PDE4D: variants seen among roughly 807,000 people sequenced by gnomAD.
PDE4D encodes the protein phosphodiesterase 4D.
Under a neutral mutation model 87.4 loss-of-function variants are expected in PDE4D, and 24 were observed. The ratio of observed to expected loss-of-function variants is 0.27; its 90% CI spans 0.20 to 0.39. The LOEUF (loss-of-function observed/expected upper bound fraction) is 0.39, where lower values mean the gene tolerates loss of function less well. PDE4D is among the 10% of genes least tolerant of loss of function. The probability of loss-of-function intolerance (pLI) is 1.00; values close to 1 mark genes in which losing one functional copy is unlikely to be tolerated. For missense variants in PDE4D, 714 were observed against 1,041.0 expected (o/e 0.69, Z 4.32); for synonymous variants, 384 against 383.2 (o/e 1.00, Z -0.02).
chr5:59,593,470 T>C (rs1171814603), intron 1 of PDE4D, among the ~76,000 whole-genome samples: 1 of 152,226 alleles, frequency 6.6e-6, no homozygotes, highest in Admixed American at 6.5e-5. Flanking sequence ...ATGACAGTTC[T>C]TCTATCACTC....
rs563642622 is a variant in PDE4D at position 59,157,675 on chromosome 5, G to A, written c.808+22920C>T. ...TAAAACCAACCAAACACATAATTAGGATGGAACCTAGTTAAACAGTTGAAG... is the reference window on the plus strand; with the variant it reads ...TAAAACCAACCAAACACATAATTAGAATGGAACCTAGTTAAACAGTTGAAG... On this transcript the variant is annotated intron_variant, in intron 5 of 14. Transcript: ENST00000340635. Among the ~76,000 whole-genome samples, 12 of 152,246 alleles carry A rather than the reference G, an allele frequency of 7.9e-5. No individual in the cohort carries two copies. In the East Asian group the frequency reaches 2.3e-3, roughly 29 times the overall value.
At chr5:59,107,436 C>T (rs1307878025) in intron 5 of PDE4D, among the ~76,000 whole-genome samples, 1 of 152,066 alleles carries the variant, frequency 6.6e-6, no homozygotes, top group Non-Finnish European at 1.5e-5. Flanking sequence ...CTCGAACTCC[C>T]AACCTTCAGT....
At chr5:60,231,832 A>G (rs889005764) in intron 1 of PDE4D, among the ~76,000 whole-genome samples, 4 of 151,946 alleles carry the variant, frequency 2.6e-5, no homozygotes, top group African/African-American at 9.7e-5. Flanking sequence ...CTGGTATAAA[A>G]TCAAGATCAC....
chr5:59,846,957 C>T lies in PDE4D; in HGVS notation c.455+46211G>A, dbSNP rs184005041. 5.4e-3 allele frequency among the ~76,000 whole-genome samples: 822 copies of T among 152,102 alleles called. 8 individuals carry two copies. Among genetic ancestry groups the T allele is most frequent in the African/African-American group, 0.019 (778 of 41,524 alleles). On this transcript the variant is annotated intron_variant, in intron 1 of 14. Coordinates refer to ENST00000340635, the MANE Select transcript of PDE4D (RefSeq NM_001104631.2). The stretch of plus-strand genomic sequence containing the variant: ...ATAAAATCTGTAATTGGAGCAAGGG[C>T]TGCGAGTTTTCAACCTCTGCCTTAA...
intron 1 of PDE4D, among the ~76,000 whole-genome samples, chr5:60,380,808 C>T (rs1761804106): frequency 6.6e-6 from 1 of 152,196 alleles, no homozygotes; most frequent in Admixed American, 6.5e-5. Context: ...ATCGACATCA[C>T]TTAGTATTTA....
chr5:59,774,886 G>T (rs1036523101), intron 1 of PDE4D, among the ~76,000 whole-genome samples: 3 of 151,746 alleles, frequency 2.0e-5, no homozygotes, highest in Admixed American at 6.6e-5. Flanking sequence ...GTAGAGACAG[G>T]GTTTCACCAC....
intron 3 of PDE4D, among the ~76,000 whole-genome samples, chr5:59,931,702 T>TG (rs755798734): frequency 1.3e-5 from 2 of 149,434 alleles, no homozygotes; most frequent in East Asian, 3.9e-4. Flanking sequence ...TTCTTTTTTT[T>TG]TTTTTTTTTT....
intron 1 of PDE4D, among the ~76,000 whole-genome samples, chr5:59,531,155 C>T (rs1315695354): frequency 2.0e-5 from 3 of 152,182 alleles, no homozygotes; most frequent in African/African-American, 4.8e-5. Context: ...GAAGCTTGTA[C>T]ATATATTCTG....
At chr5:60,239,675 T>C (rs181667952) in intron 1 of PDE4D, among the ~76,000 whole-genome samples, 6 of 152,230 alleles carry the variant, frequency 3.9e-5, no homozygotes, top group Non-Finnish European at 8.8e-5. Flanking sequence ...TTACTACATG[T>C]TTCTAATTTT....
chr5:59,665,599 A>C (rs1236954186), intron 1 of PDE4D, among the ~76,000 whole-genome samples: 1 of 152,204 alleles, frequency 6.6e-6, no homozygotes, highest in Admixed American at 6.5e-5. Context: ...TTGCAGCATA[A>C]CTTAGAGAGT....
chr5:60,392,825 GT>G (rs768438107), intron 1 of PDE4D, among the ~76,000 whole-genome samples: 1 of 152,268 alleles, frequency 6.6e-6, no homozygotes, highest in East Asian at 1.9e-4. Flanking sequence ...CCGTACTCCA[GT>G]TCATGCTTCC....
chr5:59,277,684 T>C (rs1487954088), intron 1 of PDE4D, among the ~76,000 whole-genome samples: 4 of 152,186 alleles, frequency 2.6e-5, no homozygotes. Flanking sequence ...AATGTCTGAC[T>C]GTTGAGTTTT....
At chr5:59,019,869 CGCT>C (rs1754753932) in intron 6 of PDE4D, among the ~76,000 whole-genome samples, 4 of 132,580 alleles carry the variant, frequency 3.0e-5, no homozygotes, top group East Asian at 2.2e-4. Flanking sequence ...CTATATGTTT[CGCT>C]ATCTATCTAT....
At chr5:59,715,017 C>A (rs919363552) in intron 1 of PDE4D, among the ~76,000 whole-genome samples, 1 of 152,336 alleles carries the variant, frequency 6.6e-6, no homozygotes, top group East Asian at 1.9e-4. Context: ...GCTTTTGGTC[C>A]CAACTATGGA....
At chr5:59,888,322 A>C (rs551398794) in intron 1 of PDE4D, among the ~76,000 whole-genome samples, 5 of 152,226 alleles carry the variant, frequency 3.3e-5, no homozygotes, top group African/African-American at 1.2e-4. Context: ...CAGAAGGTAC[A>C]TCATTTTAGA....
intron 2 of PDE4D, among the ~76,000 whole-genome samples, chr5:60,074,010 A>G (rs1396475): frequency 0.29 from 44,689 of 151,818 alleles, 7,325 homozygotes; most frequent in East Asian, 0.75. Context: ...ATGGCTTTTC[A>G]TGTCTCAATT....
chr5:60,110,611 A>G (rs1777575156), intron 2 of PDE4D, among the ~76,000 whole-genome samples: 1 of 152,106 alleles, frequency 6.6e-6, no homozygotes, highest in Non-Finnish European at 1.5e-5. Context: ...TTAAAAACTA[A>G]AAATAGAACT....
chr5:60,147,263 A>G (rs1269193830), intron 2 of PDE4D, among the ~76,000 whole-genome samples: 1 of 152,238 alleles, frequency 6.6e-6, no homozygotes. Context: ...GGTGCCTTAT[A>G]AATGGAAACA....
intron 1 of PDE4D, among the ~76,000 whole-genome samples, chr5:59,284,896 G>T (rs2153550671): frequency 2.3e-5 from 1 of 44,182 alleles, no homozygotes; most frequent in South Asian, 8.1e-4. Context: ...AAAATGATGA[G>T]TTCATGTCCT....
Sources: allele counts gnomAD v4.1 joint callset (sites outside exome capture counted in the v4.1 genomes callset), GRCh38; gene constraint gnomAD v4.1.1; transcripts MANE v1.5; gene names NCBI Gene and HGNC (gene_info 2026-07-23, HGNC 2026-07-21).